Variants in OOSP4B observed in about 807,000 individuals in gnomAD.
The protein encoded by OOSP4B is oocyte-secreted protein 4B.
intron 3 of OOSP4B, among the ~76,000 whole-genome samples, chr11:60,027,137 C>G (rs1565049967): frequency 6.6e-6 from 1 of 152,048 alleles, no homozygotes. Context: ...TTCTCATTTT[C>G]CCCACTCCCG....
intron 1 of OOSP4B, 104 bp from the exon 2 acceptor site, chr11:60,023,776 G>A (rs1344090051): frequency 2.3e-5 from 9 of 395,972 alleles, no homozygotes; most frequent in Admixed American, 4.4e-5. Flanking sequence ...GAGACTGAAC[G>A]CTACCCATGT....
chr11:60,027,529 A>G (rs1414302059), intron 3 of OOSP4B, among the ~76,000 whole-genome samples: 1 of 151,912 alleles, frequency 6.6e-6, no homozygotes, highest in Non-Finnish European at 1.5e-5. Flanking sequence ...ATATTGTTAT[A>G]GGCACCTCCT....
chr11:60,019,620 T>C (rs1854666287), intron 1 of OOSP4B: 1 of 152,664 alleles, frequency 6.6e-6, no homozygotes, highest in African/African-American at 2.4e-5. Context: ...TCTGGAGTTG[T>C]TTGTTCCTCC....
Position 60,023,860 on chromosome 11 carries a change from T to C in OOSP4B, c.23-20T>C, listed in dbSNP as rs900892286. 1.3e-5 allele frequency: 5 copies of C among 398,480 alleles called. No individual in the cohort carries two copies. The highest frequency in any genetic ancestry group is 1.0e-4 in the African/African-American group (5 of 48,644). The allele number at this position is 398,480 out of a possible 1,614,324, so 24.7% of individuals were successfully genotyped here. ...AGGAAGTATACTACCATATTACTTT[T>C]TGGATTTTTTTTCTTTTAGCAATAA... On this transcript the variant is annotated intron_variant, in intron 1 of 4. Coordinates refer to ENST00000642343, the Ensembl canonical transcript of OOSP4B.
At chr11:60,029,900 T>G (rs1854789234) in exon 4 of OOSP4B, 1 of 398,384 alleles carries the variant, frequency 2.5e-6, no homozygotes, top group East Asian at 3.6e-5. Context: ...AAGTAAAACA[T>G]GGACACTTAA....
At chr11:60,018,469 A>C (rs918221187) in intron 1 of OOSP4B, among the ~76,000 whole-genome samples, 1 of 152,178 alleles carries the variant, frequency 6.6e-6, no homozygotes, top group African/African-American at 2.4e-5. Context: ...TGAGTTGAGA[A>C]ACCCAGCCTT....
At chr11:60,027,146 C>T (rs570123715) in intron 3 of OOSP4B, among the ~76,000 whole-genome samples, 2 of 152,094 alleles carry the variant, frequency 1.3e-5, no homozygotes, top group African/African-American at 2.4e-5. Context: ...TCCCCACTCC[C>T]GCCCCCACAT....
chr11:60,020,386 G>A (rs2134622665), intron 1 of OOSP4B, among the ~76,000 whole-genome samples: 1 of 152,152 alleles, frequency 6.6e-6, no homozygotes, highest in Admixed American at 6.5e-5. Context: ...GCGGGCTGCA[G>A]GTCCCCAGCC....
At chr11:60,020,063 C>T (rs192642347) in intron 1 of OOSP4B, among the ~76,000 whole-genome samples, 7 of 152,306 alleles carry the variant, frequency 4.6e-5, no homozygotes, top group African/African-American at 1.7e-4. Context: ...CTGAGCTAGA[C>T]ACAGGGTGCT....
At position 60,024,891 on chromosome 11, in the gene OOSP4B, A is replaced by G. The variant is rs1306049902; in HGVS notation, c.205-17A>G. 1 of 398,104 alleles carries G rather than the reference A, an allele frequency of 2.5e-6. No individual in the cohort carries two copies. Among genetic ancestry groups the G allele is most frequent in the Non-Finnish European group, 4.4e-6 (1 of 225,884 alleles). The allele number at this position is 398,104 out of a possible 1,614,324, so 24.7% of individuals were successfully genotyped here. ...GAATTTAATGCCTTCTAGTATTAAA[A>G]CTCTCAATTGTTTCAGATGTTCCAA... On this transcript the variant is annotated splice_polypyrimidine_tract_variant and intron_variant, in intron 2 of 4. Coordinates refer to ENST00000642343, the Ensembl canonical transcript of OOSP4B.
intron 1 of OOSP4B, among the ~76,000 whole-genome samples, chr11:60,020,863 T>A (rs992722198): frequency 2.0e-5 from 3 of 152,196 alleles, no homozygotes; most frequent in African/African-American, 7.2e-5. Context: ...TGAGCTGAGA[T>A]CTCACCACTG....
chr11:60,027,006 T>C (rs1361608287), intron 3 of OOSP4B, among the ~76,000 whole-genome samples: 2 of 152,226 alleles, frequency 1.3e-5, no homozygotes, highest in East Asian at 3.8e-4. Context: ...TTTTAACTCT[T>C]ATTTTAGATC....
chr11:60,017,943 A>G (rs1854643001), intron 1 of OOSP4B, among the ~76,000 whole-genome samples: 1 of 152,192 alleles, frequency 6.6e-6, no homozygotes, highest in Non-Finnish European at 1.5e-5. Context: ...AAGTTTGGGA[A>G]ACAGTTGAGC....
Position 60,025,025 on chromosome 11 carries a change from T to C in OOSP4B, c.302+20T>C, listed in dbSNP as rs992251631. 7.5e-6 allele frequency: 3 copies of C among 398,108 alleles called. No individual in the cohort carries two copies. The highest frequency in any genetic ancestry group is 4.4e-5 in the Admixed American group (1 of 22,708). The allele number at this position is 398,108 out of a possible 1,614,324, so 24.7% of individuals were successfully genotyped here. On this transcript the variant is annotated intron_variant, in intron 3 of 4. Coordinates refer to ENST00000642343, the Ensembl canonical transcript of OOSP4B. ...GAAGAGGTATGAGTAGCTACTTCTC[T>C]TACACATTCTTAAATTTATTATTTG...
At chr11:60,031,040 A>G (rs2134631024) in exon 5 of OOSP4B, 1 of 381,306 alleles carries the variant, frequency 2.6e-6, no homozygotes, top group Non-Finnish European at 4.6e-6. Flanking sequence ...TTTAAGTGAA[A>G]TTGCCATTCT....
chr11:60,024,352 C>T (rs1003200822), intron 2 of OOSP4B, among the ~76,000 whole-genome samples: 4 of 152,162 alleles, frequency 2.6e-5, no homozygotes, highest in African/African-American at 9.7e-5. Flanking sequence ...CCAACCTGGT[C>T]AACATGGTTA....
intron 3 of OOSP4B, among the ~76,000 whole-genome samples, chr11:60,027,662 A>T (rs990172364): frequency 1.4e-5 from 2 of 140,168 alleles, no homozygotes; most frequent in Admixed American, 7.0e-5. Context: ...TATTAAAAAA[A>T]AAAAAAAAAA....
chr11:60,024,168 C>A (rs968760183), intron 2 of OOSP4B, 107 bp downstream of exon 2: 4 of 396,574 alleles, frequency 1.0e-5, no homozygotes, highest in African/African-American at 8.2e-5. Flanking sequence ...ATCTTCCTAT[C>A]TCTTGCAGTG....
At chr11:60,023,252 T>G (rs1854712277) in intron 1 of OOSP4B, among the ~76,000 whole-genome samples, 1 of 152,250 alleles carries the variant, frequency 6.6e-6, no homozygotes, top group African/African-American at 2.4e-5. Context: ...AAGGGGCTTT[T>G]GAGCACATGA....
Sources: allele counts gnomAD v4.1 joint callset (sites outside exome capture counted in the v4.1 genomes callset), GRCh38; gene constraint gnomAD v4.1.1; transcripts MANE v1.5; gene names NCBI Gene and HGNC (gene_info 2026-07-23, HGNC 2026-07-21).